The following ZBTB45 variants were observed in gnomAD, a reference collection of about 807,000 sequenced individuals.
ZBTB45 encodes zinc finger and BTB domain-containing protein 45.
A neutral mutation model predicts 28.4 loss-of-function variants in ZBTB45; 22 were observed. The ratio of observed to expected loss-of-function variants is 0.77; its 90% CI spans 0.55 to 1.10. The LOEUF (loss-of-function observed/expected upper bound fraction) is 1.10, where lower values mean the gene tolerates loss of function less well. ZBTB45 is among the 50% of genes least tolerant of loss of function. The pLI is 0.00. For missense variants in ZBTB45, 656 were observed against 750.2 expected, an observed-to-expected ratio of 0.87 and a Z score of 1.47; for synonymous variants, 361 against 332.3, an observed-to-expected ratio of 1.09 and a Z score of -0.94.
chr19:58,514,912 C>G (rs1245850953), intron 2 of ZBTB45, among the ~76,000 whole-genome samples: 2 of 152,174 alleles, frequency 1.3e-5, no homozygotes, highest in Non-Finnish European at 2.9e-5. Flanking sequence ...CCCAGTTGCC[C>G]AGAACCCCTG....
chr19:58,517,765 G>A (rs1184297937), intron 1 of ZBTB45, 92 bp from the exon 2 acceptor site: 27 of 1,235,938 alleles, frequency 2.2e-5, no homozygotes, highest in African/African-American at 3.0e-5. Context: ...TTGCAGGACA[G>A]GGCTCGAGTG....
chr19:58,535,410 G>C (rs1027882719), intron 1 of ZBTB45, among the ~76,000 whole-genome samples: 2 of 151,844 alleles, frequency 1.3e-5, no homozygotes, highest in African/African-American at 4.8e-5. Context: ...TGAGGCAGGT[G>C]GATCACCTGA....
chr19:58,532,042 C>T (rs2053637967), intron 1 of ZBTB45, among the ~76,000 whole-genome samples: 1 of 151,992 alleles, frequency 6.6e-6, no homozygotes, highest in Non-Finnish European at 1.5e-5. Context: ...TCCTTCCTTT[C>T]CCTGGAAGCT....
At chr19:58,514,598 A>G (rs2053466316) in intron 2 of ZBTB45, among the ~76,000 whole-genome samples, 1 of 151,976 alleles carries the variant, frequency 6.6e-6, no homozygotes, top group Non-Finnish European at 1.5e-5. Context: ...CCTTCCTGGC[A>G]GGGACCCCCT....
intron 1 of ZBTB45, among the ~76,000 whole-genome samples, chr19:58,517,961 G>A (rs1334464995): frequency 6.6e-6 from 1 of 151,400 alleles, no homozygotes; most frequent in Non-Finnish European, 1.5e-5. Flanking sequence ...CTCAATCACT[G>A]CTCCCGAAAA....
chr19:58,514,290 C>A lies in ZBTB45; in HGVS notation c.1300G>T (p.Ala434Ser), dbSNP rs1404125283. 6.2e-7 allele frequency: 1 copy of A among 1,605,192 alleles called. No homozygotes were observed. Among genetic ancestry groups the A allele is most frequent in the Middle Eastern group, 1.9e-4 (1 of 5,140 alleles). ...AGAGAGAAGGATCGCCAGCACACGG[C>A]GCACTGGTGCGGCTTCTCCCCTGCG... ...IHSGEKPHQCAVCWRSFSLRD... is the reference protein window; with the variant it reads ...IHSGEKPHQCSVCWRSFSLRD... Residue 434 changes from alanine to serine, a missense_variant, in exon 3 of 3, where the codon GCC becomes TCC. Transcript: ENST00000594051.
chr19:58,520,179 G>C (rs1188929265), upstream of ZBTB45: 2 of 152,206 alleles, frequency 1.3e-5, no homozygotes, highest in Non-Finnish European at 2.9e-5. Context: ...ACACGGGTGA[G>C]AGCTGAAGTA....
At chr19:58,525,952 G>A (rs1042749528) in intron 1 of ZBTB45, among the ~76,000 whole-genome samples, 1 of 152,192 alleles carries the variant, frequency 6.6e-6, no homozygotes, top group African/African-American at 2.4e-5. Flanking sequence ...CAAAGGCTGG[G>A]CGCGGTGGCT....
chr19:58,529,215 G>A (rs970570872), intron 1 of ZBTB45, among the ~76,000 whole-genome samples: 3 of 152,172 alleles, frequency 2.0e-5, no homozygotes, highest in African/African-American at 7.2e-5. Context: ...CAAGGCAGGG[G>A]GATCGCTTGA....
upstream of ZBTB45, among the ~76,000 whole-genome samples, chr19:58,523,381 A>G (rs189407738): frequency 7.9e-5 from 12 of 151,278 alleles, 1 homozygote; most frequent in Admixed American, 2.6e-4. Context: ...CCCGGTCTCT[A>G]CTAAAAATAC....
intron 1 of ZBTB45, among the ~76,000 whole-genome samples, chr19:58,518,490 G>A (rs2053544140): frequency 6.6e-6 from 1 of 152,150 alleles, no homozygotes; most frequent in Non-Finnish European, 1.5e-5. Context: ...TCTCGATGGG[G>A]CCTGTGGGGC....
Position 58,516,840 on chromosome 19 carries a change from T to C in ZBTB45, c.834A>G (p.Ser278=). The part of the protein sequence containing the change: ...AGRDFLRGAG[S]AEDVFPDSYV... ...AGCTGTCTGGAAATACGTCCTCAGC[T>C]GACCCAGCTCCCCGAAGAAAATCTC... The change falls in exon 2 of 3, where the codon TCA becomes TCG. Residue 278 remains serine, a synonymous_variant. Transcript: ENST00000594051. This position sits in a 1 kb window ranked among gnomAD's most constrained non-coding sequence, Gnocchi z 6.2. The C allele has an allele frequency of 6.2e-7, 1 of 1,613,636 alleles. No homozygotes were observed.
At position 58,517,220 on chromosome 19, in the gene ZBTB45, G is replaced by A. The variant is rs755532603; in HGVS notation, c.454C>T (p.Arg152Cys). The change falls in exon 2 of 3, where the codon CGC becomes TGC. Residue 152 changes from arginine to cysteine, a missense_variant. This residue lies in a region of ZBTB45 where 448 missense variants were observed against 444.3 expected (regional missense o/e 1.01). Coordinates refer to ENST00000594051, the MANE Select transcript of ZBTB45 (RefSeq NM_001316979.2). ...CGTGCAGCCAGCAGGTGGCGCAGGC[G>A]GTGACGCAGCTGCGCAGGTGCGAGT... is the stretch of plus-strand genomic sequence containing the variant. ...PPLAPAQLRH[R>C]LRHLLAARPP... 2.2e-5 allele frequency: 35 copies of A among 1,600,600 alleles called. No homozygotes were observed. The highest frequency in any genetic ancestry group is 3.3e-5 in the South Asian group (3 of 90,320).
Position 58,516,895 on chromosome 19 carries a change from G to C in ZBTB45, c.779C>G (p.Thr260Ser), listed in dbSNP as rs957833135. Reference sequence around the variant, plus strand: ...GGCACCACTGTAGTCAGCGAGGCCAGTGGGTGCAGGGGGCTCCTCGCACGC... The same window carrying C: ...GGCACCACTGTAGTCAGCGAGGCCACTGGGTGCAGGGGGCTCCTCGCACGC... Reference protein sequence around the residue: ...DSACEEPPAPTGLADYSGAGR... With the variant: ...DSACEEPPAPSGLADYSGAGR... Residue 260 changes from threonine to serine, a missense_variant, in exon 2 of 3, where the codon ACT becomes AGT. Physicochemically the swap from Thr to Ser is moderately conservative, Grantham distance 58. Coordinates refer to ENST00000594051, the MANE Select transcript of ZBTB45 (RefSeq NM_001316979.2). This position sits in a 1 kb window ranked among gnomAD's most constrained non-coding sequence, Gnocchi z 6.2. 4 of 1,613,286 alleles carry C rather than the reference G, an allele frequency of 2.5e-6. No homozygotes were observed. The highest frequency in any genetic ancestry group is 3.4e-6 in the Non-Finnish European group (4 of 1,180,034).
chr19:58,537,507 A>C lies in ZBTB45; in HGVS notation c.-1+1194T>G, dbSNP rs2053666205. 2.6e-5 allele frequency among the ~76,000 whole-genome samples: 4 copies of C among 152,112 alleles called. No homozygotes were observed. The South Asian group carries it at 8.3e-4, about 31-fold the overall frequency. Reference sequence around the variant, plus strand: ...GAGGGGCAGCCGATGATAGGGTGGCAGGGGATCTAACATACCCCAGACCCT... The same window carrying C: ...GAGGGGCAGCCGATGATAGGGTGGCCGGGGATCTAACATACCCCAGACCCT... On this transcript the variant is annotated intron_variant, in intron 1 of 1. Transcript: ENST00000600130.
At chr19:58,518,328 G>T (rs2053542254) in intron 1 of ZBTB45, among the ~76,000 whole-genome samples, 1 of 152,224 alleles carries the variant, frequency 6.6e-6, no homozygotes, top group Admixed American at 6.5e-5. Context: ...TTCCTGGGCA[G>T]GGTGGTTCTG....
chr19:58,525,508 C>A (rs1464115768), intron 1 of ZBTB45, among the ~76,000 whole-genome samples: 2 of 152,110 alleles, frequency 1.3e-5, no homozygotes, highest in Non-Finnish European at 2.9e-5. Context: ...TGTGAAGGGG[C>A]AATGGCAGGA....
chr19:58,526,038 A>G lies in ZBTB45; in HGVS notation c.1-8365T>C, dbSNP rs1001980819. Among the ~76,000 whole-genome samples the G allele has an allele frequency of 2.6e-5, 4 of 152,116 alleles. No homozygotes were observed. The South Asian group carries it at 6.2e-4, about 24-fold the overall frequency. On this transcript the variant is annotated intron_variant, in intron 1 of 1. Transcript: ENST00000600130. Reference sequence around the variant, plus strand: ...AGGTCAAGAGTTCCAGACCAGCCTGACCAACTTAATGAAACCCCCTCTCTA... The same window carrying G: ...AGGTCAAGAGTTCCAGACCAGCCTGGCCAACTTAATGAAACCCCCTCTCTA...
intron 1 of ZBTB45, among the ~76,000 whole-genome samples, chr19:58,531,364 C>T (rs969780491): frequency 6.6e-6 from 1 of 152,144 alleles, no homozygotes; most frequent in Admixed American, 6.6e-5. Context: ...AGGGTGGGAT[C>T]GTGTCATCAA....
Sources: gnomAD v4.1 joint callset for allele counts (sites outside exome capture counted in the v4.1 genomes callset) on GRCh38, gnomAD v4.1.1 for gene constraint, gnomAD v4.1.1 regional missense constraint, Gnocchi (gnomAD v3.1) non-coding constraint, MANE v1.5 for transcripts, NCBI Gene and HGNC (gene_info 2026-07-23, HGNC 2026-07-21) for gene names.